Variants in ARSB observed in about 807,000 individuals in gnomAD.
ARSB encodes the protein arylsulfatase B.
Under a neutral mutation model 50.9 loss-of-function variants are expected in ARSB, and 41 were observed. The observed-to-expected ratio is 0.81, with a 90% confidence interval of 0.63 to 1.04. The LOEUF is 1.04. ARSB is among the 50% of genes least tolerant of loss of function. The probability of loss-of-function intolerance (pLI) is 0.00; values close to 1 mark genes in which losing one functional copy is unlikely to be tolerated. For synonymous variants in ARSB, 269 were observed against 284.8 expected (o/e 0.94, Z 0.56); for missense variants, 672 against 693.3 (o/e 0.97, Z 0.35).
At chr5:78,853,581 C>T (rs1745967753) in intron 5 of ARSB, among the ~76,000 whole-genome samples, 1 of 152,242 alleles carries the variant, frequency 6.6e-6, no homozygotes, top group African/African-American at 2.4e-5. Flanking sequence ...CCACTGCTCT[C>T]TTCAAAGCTG....
chr5:78,942,833 C>T (rs892356482), intron 4 of ARSB, among the ~76,000 whole-genome samples: 3 of 152,222 alleles, frequency 2.0e-5, no homozygotes, highest in South Asian at 2.1e-4. Flanking sequence ...CCTGGATATC[C>T]TTGTTAACTT....
In ARSB at chr5:78,783,020, T is replaced by C. The variant is rs536477878; in HGVS notation, c.1214-1046A>G. ...AGTGAACAAGGCAAGAGTTCTACTCTTGTGGAAGACCCTGGTGGGTCCACA... is the reference window on the plus strand; with the variant it reads ...AGTGAACAAGGCAAGAGTTCTACTCCTGTGGAAGACCCTGGTGGGTCCACA... On this transcript the variant is annotated intron_variant, in intron 6 of 7. Transcript: ENST00000264914. Among the ~76,000 whole-genome samples, 3 of 152,298 alleles carry C rather than the reference T, an allele frequency of 2.0e-5. No individual in the cohort carries two copies. In the East Asian group the frequency reaches 5.8e-4, roughly 29 times the overall value.
At chr5:78,962,695 T>A in intron 3 of ARSB, among the ~76,000 whole-genome samples, 2 of 151,954 alleles carry the variant, frequency 1.3e-5, no homozygotes, top group East Asian at 3.9e-4. Context: ...CCCGGCTAAT[T>A]TTTTTTGTAT....
At chr5:78,804,841 T>A (rs1181568555) in intron 6 of ARSB, among the ~76,000 whole-genome samples, 1 of 152,190 alleles carries the variant, frequency 6.6e-6, no homozygotes, top group African/African-American at 2.4e-5. Context: ...CCGTGCTCCA[T>A]GCATCTTCCA....
intron 4 of ARSB, among the ~76,000 whole-genome samples, chr5:78,923,828 T>A (rs1749933622): frequency 6.6e-6 from 1 of 152,190 alleles, no homozygotes; most frequent in African/African-American, 2.4e-5. Flanking sequence ...GACTGACAGC[T>A]TCATGTTGAG....
At chr5:78,791,911 A>G (rs1315660279) in intron 6 of ARSB, among the ~76,000 whole-genome samples, 2 of 152,180 alleles carry the variant, frequency 1.3e-5, no homozygotes, top group South Asian at 2.1e-4. Flanking sequence ...TGGATGGCGC[A>G]GTGGTATGCC....
At chr5:78,843,058 C>A (rs1745295724) in intron 5 of ARSB, among the ~76,000 whole-genome samples, 1 of 152,190 alleles carries the variant, frequency 6.6e-6, no homozygotes, top group African/African-American at 2.4e-5. Flanking sequence ...CCCGTAAGAT[C>A]ACTGGCGGTG....
At chr5:78,944,661 G>T (rs931772111) in intron 4 of ARSB, among the ~76,000 whole-genome samples, 1 of 152,272 alleles carries the variant, frequency 6.6e-6, no homozygotes, top group Admixed American at 6.5e-5. Context: ...AGGGTTACCC[G>T]GCCATGTGAG....
intron 6 of ARSB, among the ~76,000 whole-genome samples, chr5:78,821,947 C>T (rs1341174345): frequency 1.3e-5 from 2 of 152,104 alleles, no homozygotes; most frequent in South Asian, 2.1e-4. Context: ...TTTGGTCTGG[C>T]GTGGCTGGGG....
chr5:78,898,365 T>C (rs1748664573), intron 4 of ARSB, among the ~76,000 whole-genome samples: 1 of 152,170 alleles, frequency 6.6e-6, no homozygotes, highest in Non-Finnish European at 1.5e-5. Context: ...ATAATACTAG[T>C]TCTATACAAA....
chr5:78,792,378 CAAAAAAA>C (rs1178658652), intron 6 of ARSB, among the ~76,000 whole-genome samples: 1 of 105,520 alleles, frequency 9.5e-6, no homozygotes, highest in African/African-American at 3.5e-5. Flanking sequence ...GAATCTGTCG[CAAAAAAA>C]AAAAAAAAAA....
chr5:78,799,480 A>G (rs1265409974), intron 6 of ARSB, among the ~76,000 whole-genome samples: 1 of 152,190 alleles, frequency 6.6e-6, no homozygotes, highest in Non-Finnish European at 1.5e-5. Context: ...CCGAGTCTGG[A>G]GAGAGACTCC....
Position 78,984,849 on chromosome 5 carries a change from G to T in ARSB, c.312+88C>A, listed in dbSNP as rs1753082758. 3 of 1,097,184 alleles carry T rather than the reference G, an allele frequency of 2.7e-6. No individual in the cohort carries two copies. The Admixed American group carries it at 1.4e-4, about 50-fold the overall frequency. 68.0% of individuals were successfully genotyped at this position (1,097,184 alleles called of 1,614,324 possible). On this transcript the variant is annotated intron_variant, in intron 1 of 7. Coordinates refer to ENST00000264914, the MANE Select transcript of ARSB (RefSeq NM_000046.5). ...GGCGGTCCGAGCCCCGCCTGCCAGCGCCCGCGGCCTCAAGGGCCGGGTAGG... is the reference window on the plus strand; with the variant it reads ...GGCGGTCCGAGCCCCGCCTGCCAGCTCCCGCGGCCTCAAGGGCCGGGTAGG...
At chr5:78,971,555 G>A (rs1216741141) in intron 1 of ARSB, among the ~76,000 whole-genome samples, 2 of 152,156 alleles carry the variant, frequency 1.3e-5, no homozygotes, top group African/African-American at 4.8e-5. Flanking sequence ...ATTTAAAGTG[G>A]AATAGCATAA....
chr5:78,777,911 A>G lies in ARSB; in HGVS notation c.*2486T>C, dbSNP rs1270369910. The G allele has an allele frequency of 6.6e-6, 1 of 152,106 alleles. No homozygotes were observed. The highest frequency in any genetic ancestry group is 1.5e-5 in the Non-Finnish European group (1 of 68,030). The allele number at this position is 152,106 out of a possible 1,614,324, so 9.4% of individuals were successfully genotyped here. On this transcript the variant is annotated 3_prime_UTR_variant, in exon 8 of 8. Coordinates refer to ENST00000264914, the MANE Select transcript of ARSB (RefSeq NM_000046.5). ...CATTATTTCTAACAACAATATATCAATCTTTTCACATTCTTATATAGAATC... is the reference window on the plus strand; with the variant it reads ...CATTATTTCTAACAACAATATATCAGTCTTTTCACATTCTTATATAGAATC...
At chr5:78,972,543 A>ACACACC (rs1361695118) in intron 1 of ARSB, among the ~76,000 whole-genome samples, 31 of 150,298 alleles carry the variant, frequency 2.1e-4, no homozygotes, top group African/African-American at 6.4e-4. Flanking sequence ...ACACACACAC[A>ACACACC]CCCCAAATCA....
chr5:78,900,390 C>A (rs1421074836), intron 4 of ARSB, among the ~76,000 whole-genome samples: 1 of 152,180 alleles, frequency 6.6e-6, no homozygotes, highest in Non-Finnish European at 1.5e-5. Context: ...GACAGGACTC[C>A]TGCTACGGAA....
intron 5 of ARSB, among the ~76,000 whole-genome samples, chr5:78,868,032 C>T (rs373572971): frequency 0.11 from 14,136 of 131,150 alleles, 813 homozygotes; most frequent in Middle Eastern, 0.2. Context: ...CCTCAGGAGC[C>T]GATGCGATCA....
intron 6 of ARSB, among the ~76,000 whole-genome samples, chr5:78,792,334 G>A (rs547353131): frequency 4.0e-5 from 6 of 150,580 alleles, no homozygotes; most frequent in Non-Finnish European, 8.8e-5. Flanking sequence ...AGCCGAGATC[G>A]CATCACTGTA....
Sources: gnomAD v4.1 joint callset for allele counts (sites outside exome capture counted in the v4.1 genomes callset) on GRCh38, gnomAD v4.1.1 for gene constraint, MANE v1.5 for transcripts, NCBI Gene and HGNC (gene_info 2026-07-23, HGNC 2026-07-21) for gene names.